Variants in KCNK16 observed in about 807,000 individuals in gnomAD.
KCNK16 encodes potassium two pore domain channel subfamily K member 16.
Under a neutral mutation model 23.0 loss-of-function variants are expected in KCNK16, and 23 were observed. That is an observed-to-expected ratio of 1.00 (90% CI 0.72 to 1.41). KCNK16 has a LOEUF of 1.41. Ranked by LOEUF, KCNK16 falls within the 40% of genes most tolerant of loss-of-function variation. The pLI is 0.00. For synonymous variants in KCNK16, 145 were observed against 153.5 expected (o/e 0.94, Z 0.41); for missense variants, 327 against 365.8 (o/e 0.89, Z 0.87).
chr6:39,316,474 G>C, intron 4 of KCNK16, 32 bp from the exon 5 acceptor site: 4 of 1,568,148 alleles, frequency 2.6e-6, no homozygotes, highest in Non-Finnish European at 3.5e-6. Context: ...TCAATGCCAG[G>C]GGTCTCAGGG....
Position 39,316,308 on chromosome 6 carries a change from G to C in KCNK16, c.796C>G (p.Leu266Val). 1 of 1,607,550 alleles carries C rather than the reference G, an allele frequency of 6.2e-7. No homozygotes were observed. The highest frequency in any genetic ancestry group is 1.1e-5 in the South Asian group (1 of 89,474). Residue 266 changes from leucine (L) to valine (V), a missense_variant, in exon 5 of 5, where the codon CTG becomes GTG. Leu to Val is a conservative substitution (Grantham distance 32, BLOSUM62 1). Coordinates refer to ENST00000437525, the MANE Select transcript of KCNK16 (RefSeq NM_001135106.2). Reference sequence around the variant, plus strand: ...TTGACGCCGAGGCCCCTACTGAGCAGCCAGAGCTGGCAGCATCTGTGCAGA... The same window carrying C: ...TTGACGCCGAGGCCCCTACTGAGCACCCAGAGCTGGCAGCATCTGTGCAGA... ...LLLHRCCQLW[L>V]LSRGLGVKDG...
chr6:39,320,100 G>C (rs773432070), intron 1 of KCNK16, among the ~76,000 whole-genome samples: 1 of 152,170 alleles, frequency 6.6e-6, no homozygotes, highest in Non-Finnish European at 1.5e-5. Context: ...CAACAGTTCT[G>C]GCTTCCAATT....
In KCNK16 at chr6:39,319,403, G is replaced by C. The variant is rs988578763; in HGVS notation, c.214-270C>G. Among the ~76,000 whole-genome samples, 1 of 152,188 alleles carries C rather than the reference G, an allele frequency of 6.6e-6. No homozygotes were observed. The highest frequency in any genetic ancestry group is 2.4e-5 in the African/African-American group (1 of 41,456). ...GGTGTGGGCTGCAAGCATGGGCTGGGGCGGGAGATGGGCCTGAGGGGTGAG... is the reference window on the plus strand; with the variant it reads ...GGTGTGGGCTGCAAGCATGGGCTGGCGCGGGAGATGGGCCTGAGGGGTGAG... On this transcript the variant is annotated intron_variant, in intron 1 of 4. Transcript: ENST00000437525. This position sits in a 1 kb window ranked among gnomAD's most constrained non-coding sequence, Gnocchi z 4.2.
rs781208913 is a variant in KCNK16, at chr6:39,316,900, C to T, written c.543G>A (p.Leu181=). 2 of 1,614,044 alleles carry T rather than the reference C, an allele frequency of 1.2e-6. No homozygotes were observed. Among genetic ancestry groups the T allele is most frequent in the East Asian group, 4.5e-5 (2 of 44,874 alleles). ...CCATGGGTGGGAAGATGAGAATGAC[C>T]AGCGTCCCCAGGGTCAGGAACAGAG... ...GLALFLTLGT[L]VILIFPPMVF... Residue 181 remains leucine (L), a synonymous_variant, in exon 4 of 5, where the codon CTG becomes CTA. Coordinates refer to ENST00000437525, the MANE Select transcript of KCNK16 (RefSeq NM_001135106.2).
Position 39,317,882 on chromosome 6 carries a change from G to A in KCNK16, c.399C>T (p.Ile133=). The change falls in exon 3 of 5, where the codon ATC becomes ATT. Residue 133 remains isoleucine, a synonymous_variant. Coordinates refer to ENST00000437525, the MANE Select transcript of KCNK16 (RefSeq NM_001135106.2). ...VFCVFYALLG[I]PLNVIFLNHL... Reference sequence around the variant, plus strand: ...GGTTGAGGAAGATCACGTTAAGCGGGATGCCCAACAGGGCATAGAAGACAC... The same window carrying A: ...GGTTGAGGAAGATCACGTTAAGCGGAATGCCCAACAGGGCATAGAAGACAC... The A allele has an allele frequency of 6.2e-7, 1 of 1,613,906 alleles. No homozygotes were observed. The highest frequency in any genetic ancestry group is 8.5e-7 in the Non-Finnish European group (1 of 1,179,890).
rs1231328072 is a variant in KCNK16, at chr6:39,319,778, GGTT to G, written c.214-648_214-646del. Among the ~76,000 whole-genome samples the G allele has an allele frequency of 4.2e-4, 60 of 141,970 alleles. No homozygotes were observed. The highest frequency in any genetic ancestry group is 1.4e-3 in the African/African-American group (57 of 39,530). The allele number at this position is 141,970 out of a possible 152,430, so 93.1% of individuals were successfully genotyped here. A position where few individuals can be genotyped will look rare whatever the true frequency, so the allele number is the denominator to read the frequency against. The stretch of plus-strand genomic sequence containing the variant: ...GTGTGTGTGTGTGTGTGTGTGTGGT[GGTT>G]GTTTATATGTGATGTGTTGTATGCA... On this transcript the variant is annotated intron_variant, in intron 1 of 4. Transcript: ENST00000437525. This position sits in a 1 kb window ranked among gnomAD's most constrained non-coding sequence, Gnocchi z 4.2.
chr6:39,316,583 G>T, intron 4 of KCNK16, 141 bp from the exon 5 acceptor site: 1 of 1,201,234 alleles, frequency 8.3e-7, no homozygotes, highest in Non-Finnish European at 1.2e-6. Flanking sequence ...GTCTCTGCAG[G>T]GTGGTGATGG....
chr6:39,314,733 G>T (rs946192312), downstream of KCNK16: 13 of 472,428 alleles, frequency 2.8e-5, no homozygotes, highest in Non-Finnish European at 4.8e-5. Flanking sequence ...TTGTCTTGGG[G>T]CCCCTGCCTA....
At chr6:39,318,907 C>T (rs552199952) in intron 2 of KCNK16, 112 bp downstream of exon 2, 8 of 726,922 alleles carry the variant, frequency 1.1e-5, no homozygotes, top group South Asian at 9.8e-5. Flanking sequence ...CCTCCCTGGG[C>T]TTCCTGAATA....
rs778829986 is a variant in KCNK16 at position 39,316,762 on chromosome 6, T to A, written c.661+20A>T. On this transcript the variant is annotated intron_variant, in intron 4 of 4. Transcript: ENST00000437525. Reference sequence around the variant, plus strand: ...AGTGGGCACCCCCACCCTGAGATAATGTGACTGTTTTGTTCTCACCAACAA... The same window carrying A: ...AGTGGGCACCCCCACCCTGAGATAAAGTGACTGTTTTGTTCTCACCAACAA... 3.0e-5 allele frequency: 48 copies of A among 1,608,576 alleles called. 1 individual carries two copies. The Middle Eastern group carries it at 1.5e-3, about 50-fold the overall frequency.
Position 39,316,849 on chromosome 6 carries a change from G to C in KCNK16, c.594C>G (p.Ser198Arg), listed in dbSNP as rs1428232710. The C allele has an allele frequency of 2.5e-5, 41 of 1,614,012 alleles. No individual in the cohort carries two copies. Among genetic ancestry groups the C allele is most frequent in the Non-Finnish European group, 3.2e-5 (38 of 1,180,022 alleles). Residue 198 changes from serine to arginine, a missense_variant, in exon 4 of 5, where the codon AGC becomes AGG. Ser to Arg is a moderately radical substitution (Grantham distance 110). Transcript: ENST00000437525. ...AAGCAAAGTAGAAGCCCTCGCTGAA[G>C]CTCCAGCCCTCCACATGGCTGAAGA... ...PMVFSHVEGW[S>R]FSEGFYFAFI...
chr6:39,314,778 G>T (rs1440941146), downstream of KCNK16: 3 of 534,120 alleles, frequency 5.6e-6, no homozygotes, highest in Non-Finnish European at 9.8e-6. Context: ...CCAAGGACTT[G>T]CTGTCTGTCA....
chr6:39,316,083 T>G, downstream of KCNK16: 4 of 1,285,256 alleles, frequency 3.1e-6, no homozygotes, highest in Non-Finnish European at 4.1e-6. Flanking sequence ...CTTTCTCTCT[T>G]GGGAGAGCTC....
rs765424840 is a variant in KCNK16, at chr6:39,316,933, C to T, written c.510G>A (p.Leu170=). 3.1e-6 allele frequency: 5 copies of T among 1,613,052 alleles called. No homozygotes were observed. Among genetic ancestry groups the T allele is most frequent in the Non-Finnish European group, 4.2e-6 (5 of 1,179,796 alleles). The stretch of plus-strand genomic sequence containing the variant: ...CCAGGGTCAGGAACAGAGCCAGGCC[C>T]AGGACTTGCAGTACCTAGGAGGGAG... ...RPRRSQVLQV[L]GLALFLTLGT... Residue 170 remains leucine (L), a synonymous_variant, in exon 4 of 5, where the codon CTG becomes CTA. Transcript: ENST00000437525.
At position 39,317,860 on chromosome 6, in the gene KCNK16, T is replaced by C; in HGVS notation, c.421A>G (p.Asn141Asp). The change falls in exon 3 of 5, where the codon AAC (asparagine) becomes GAC (aspartate). Residue 141 changes from asparagine to aspartate, a missense_variant. By Grantham distance (23) the Asn-to-Asp change is conservative. Coordinates refer to ENST00000437525, the MANE Select transcript of KCNK16 (RefSeq NM_001135106.2). ...GCACGCAGCCCTGTGCCCAGGTGGTTGAGGAAGATCACGTTAAGCGGGATG... is the reference window on the plus strand; with the variant it reads ...GCACGCAGCCCTGTGCCCAGGTGGTCGAGGAAGATCACGTTAAGCGGGATG... ...LGIPLNVIFLNHLGTGLRAHL... is the reference protein window; with the variant it reads ...LGIPLNVIFLDHLGTGLRAHL... 6.2e-7 allele frequency: 1 copy of C among 1,613,836 alleles called. No individual in the cohort carries two copies.
chr6:39,320,452 T>C (rs1762474190), intron 1 of KCNK16, among the ~76,000 whole-genome samples: 1 of 152,220 alleles, frequency 6.6e-6, no homozygotes, highest in Admixed American at 6.5e-5. Flanking sequence ...CCATGGGTTC[T>C]GACTTCCCAG....
Position 39,322,585 on chromosome 6 carries a change from G to C in KCNK16, c.-45C>G, listed in dbSNP as rs1444628333. 2 of 1,536,214 alleles carry C rather than the reference G, an allele frequency of 1.3e-6. No homozygotes were observed. Among genetic ancestry groups the C allele is most frequent in the Admixed American group, 3.9e-5 (2 of 51,304 alleles). On this transcript the variant is annotated 5_prime_UTR_variant, in exon 1 of 5. Transcript: ENST00000437525. Reference sequence around the variant, plus strand: ...CAGGGCCGTGGGGCTGGCTATGGGGGAGAGGTGGGAAACAGGTGAGGAGTA... The same window carrying C: ...CAGGGCCGTGGGGCTGGCTATGGGGCAGAGGTGGGAAACAGGTGAGGAGTA...
In KCNK16 at chr6:39,322,647, C is replaced by G; in HGVS notation, c.-107G>C. ...GCCTGTGCCCAGGCTGCCGCCTGCC[C>G]TGCCCTCCTCCTCGGCACAGGTGTC... On this transcript the variant is annotated 5_prime_UTR_variant, in exon 1 of 5. Transcript: ENST00000437525. 1 of 1,447,720 alleles carries G rather than the reference C, an allele frequency of 6.9e-7. No homozygotes were observed. Among genetic ancestry groups the G allele is most frequent in the South Asian group, 1.4e-5 (1 of 71,652 alleles). The allele number at this position is 1,447,720 out of a possible 1,614,324, so 89.7% of individuals were successfully genotyped here. A position where few individuals can be genotyped will look rare whatever the true frequency, so the allele number is the denominator to read the frequency against.
downstream of KCNK16, chr6:39,315,364 A>G (rs561841282): frequency 5.2e-6 from 8 of 1,551,638 alleles, no homozygotes; most frequent in Middle Eastern, 3.3e-4. Flanking sequence ...CTGGCTTCCC[A>G]TGGGGTGTTT....
Sources: gnomAD v4.1 joint callset for allele counts (sites outside exome capture counted in the v4.1 genomes callset) on GRCh38, gnomAD v4.1.1 for gene constraint, Gnocchi (gnomAD v3.1) non-coding constraint, MANE v1.5 for transcripts, NCBI Gene and HGNC (gene_info 2026-07-23, HGNC 2026-07-21) for gene names.